The following TRNT1 variants were observed in gnomAD, a reference collection of about 807,000 sequenced individuals.
TRNT1 encodes CCA tRNA nucleotidyltransferase 1, mitochondrial.
In TRNT1, 44 loss-of-function variants were observed where a neutral mutation model predicts 45.6. The observed-to-expected ratio is 0.97, with a 90% CI of 0.76 to 1.24. TRNT1 has a LOEUF of 1.24. TRNT1 is among the 50% of genes most tolerant of loss of function. The pLI is 0.00. For synonymous variants in TRNT1, 201 were observed against 171.4 expected (o/e 1.17, Z -1.35); for missense variants, 633 against 504.4 (o/e 1.25, Z -2.44).
In TRNT1 at chr3:3,148,925, G is replaced by GTTAT. The variant is rs1032088022; in HGVS notation, c.*774_*777dup. 4 of 151,894 alleles carry GTTAT rather than the reference G, an allele frequency of 2.6e-5. No homozygotes were observed. The highest frequency in any genetic ancestry group is 1.9e-4 in the East Asian group (1 of 5,196). 9.4% of individuals were successfully genotyped at this position (151,894 alleles called of 1,614,324 possible). Reference sequence around the variant, plus strand: ...ATGGTAATATGCCTGTCTTTAAAGTGTTATTTTATTAATTAAAAGGATATG... The same window carrying GTTAT: ...ATGGTAATATGCCTGTCTTTAAAGTGTTATTTATTTTATTAATTAAAAGGATATG... On this transcript the variant is annotated 3_prime_UTR_variant, in exon 8 of 8. Coordinates refer to ENST00000251607, the MANE Select transcript of TRNT1 (RefSeq NM_182916.3).
intron 1 of TRNT1, chr3:3,127,501 C>G (rs1363553222): frequency 6.6e-6 from 1 of 152,294 alleles, no homozygotes; most frequent in Non-Finnish European, 1.5e-5. Context: ...GGGCAGGACC[C>G]CCGTATGGGG....
At chr3:3,136,110 AC>A (rs1195260478) in intron 2 of TRNT1, among the ~76,000 whole-genome samples, 1 of 152,320 alleles carries the variant, frequency 6.6e-6, no homozygotes, top group East Asian at 1.9e-4. Context: ...AGTCACTGTT[AC>A]CAACTATTGT....
chr3:3,147,760 A>AATT lies in TRNT1; in HGVS notation c.1056+58_1056+60dup, dbSNP rs796932926. The AATT allele has an allele frequency of 6.6e-5, 101 of 1,537,908 alleles. 1 individual carries two copies. The African/African-American group carries it at 1.2e-3, about 18-fold the overall frequency. ...GAAGTATCGTCACGAATTTAGAATT[A>AATT]ATTTATTAAAACTAAGATCTACAAA... On this transcript the variant is annotated intron_variant, in intron 7 of 7. Transcript: ENST00000251607.
chr3:3,142,457 C>G (rs890778174), intron 4 of TRNT1, among the ~76,000 whole-genome samples: 4 of 152,178 alleles, frequency 2.6e-5, no homozygotes, highest in African/African-American at 9.7e-5. Flanking sequence ...CAGCCTGACT[C>G]CAGAGGTCAC....
chr3:3,147,401 GT>G (rs769238391), intron 6 of TRNT1, 48 bp from the exon 7 acceptor site: 3 of 1,598,506 alleles, frequency 1.9e-6, no homozygotes, highest in African/African-American at 2.7e-5. Flanking sequence ...GATATGAGTG[GT>G]TTTTTATCCC....
chr3:3,152,536 C>T (rs1706646440), downstream of TRNT1: 1 of 1,613,264 alleles, frequency 6.2e-7, no homozygotes, highest in Non-Finnish European at 8.5e-7. Flanking sequence ...GTGTCTCATG[C>T]ACATATCCAT....
chr3:3,148,171 A>C lies in TRNT1; in HGVS notation c.*17A>C. Reference sequence around the variant, plus strand: ...AAGACCTAAAACTGATGGCTACTAAAAAGCAGAGCATTTCTGGTAAGACTA... The same window carrying C: ...AAGACCTAAAACTGATGGCTACTAACAAGCAGAGCATTTCTGGTAAGACTA... On this transcript the variant is annotated 3_prime_UTR_variant, in exon 8 of 8. Coordinates refer to ENST00000251607, the MANE Select transcript of TRNT1 (RefSeq NM_182916.3). 1 of 1,609,014 alleles carries C rather than the reference A, an allele frequency of 6.2e-7. No individual in the cohort carries two copies. The highest frequency in any genetic ancestry group is 2.2e-5 in the East Asian group (1 of 44,820).
intron 2 of TRNT1, chr3:3,131,203 G>A (rs1692806719): frequency 6.6e-6 from 1 of 152,170 alleles, no homozygotes. Flanking sequence ...GTAAGTACAA[G>A]TGGCTGCTGT....
At chr3:3,133,681 G>T (rs1014255554) in intron 2 of TRNT1, among the ~76,000 whole-genome samples, 5 of 152,140 alleles carry the variant, frequency 3.3e-5, no homozygotes, top group Non-Finnish European at 7.4e-5. Context: ...TCCTTTGGCT[G>T]TTGTCCACAG....
chr3:3,137,365 C>T lies in TRNT1; in HGVS notation c.254C>T (p.Thr85Ile), dbSNP rs770014818. The T allele has an allele frequency of 1.2e-6, 2 of 1,613,926 alleles. No homozygotes were observed. Among genetic ancestry groups the T allele is most frequent in the East Asian group, 2.2e-5 (1 of 44,860 alleles). Residue 85 changes from threonine (T) to isoleucine (I), a missense_variant, in exon 3 of 8, where the codon ACC becomes ATC. Physicochemically the swap from Thr to Ile is moderately conservative, Grantham distance 89. Transcript: ENST00000251607. The stretch of plus-strand genomic sequence containing the variant: ...GATATAGATTTTGCCACCACTGCTA[C>T]CCCTACTCAAATGAAGGAGATGTTT... ...PQDIDFATTA[T>I]PTQMKEMFQS... is the part of the protein sequence containing the mutation.
downstream of TRNT1, among the ~76,000 whole-genome samples, chr3:3,151,528 G>A (rs75880442): frequency 5.4e-4 from 82 of 152,324 alleles, 1 homozygote; most frequent in East Asian, 0.015. Context: ...ACGATTGTCA[G>A]ATAATGCAAC....
chr3:3,149,709 A>C (rs1028821895), downstream of TRNT1: 4 of 152,142 alleles, frequency 2.6e-5, no homozygotes. Flanking sequence ...CCTGATTGGA[A>C]GTATTCTTGA....
At chr3:3,133,197 A>G (rs1261183878) in intron 2 of TRNT1, among the ~76,000 whole-genome samples, 2 of 152,066 alleles carry the variant, frequency 1.3e-5, no homozygotes, top group East Asian at 3.9e-4. Context: ...GGGTTTTATA[A>G]TTTGTCAGGT....
At chr3:3,137,001 T>C (rs1217591877) in intron 2 of TRNT1, among the ~76,000 whole-genome samples, 1 of 152,210 alleles carries the variant, frequency 6.6e-6, no homozygotes, top group Non-Finnish European at 1.5e-5. Context: ...CTTTGAGGCA[T>C]TGTGGAATTC....
At chr3:3,130,192 C>G (rs915940619) in intron 2 of TRNT1, 1 of 535,222 alleles carries the variant, frequency 1.9e-6, no homozygotes, top group African/African-American at 1.9e-5. Flanking sequence ...ATGACCTATA[C>G]AGCACTGGCT....
In TRNT1 at chr3:3,147,516, C is replaced by T. The variant is rs1237727759; in HGVS notation, c.869C>T (p.Pro290Leu). Residue 290 changes from proline (P) to leucine (L), a missense_variant, in exon 7 of 8, where the codon CCA becomes CTA. Transcript: ENST00000251607. The part of the protein sequence containing the change: ...KVSKNVDGFS[P>L]KPVTLLASLF... ...AGTAAAAATGTTGATGGTTTTTCAC[C>T]AAAGCCAGTGACTCTTTTGGCCTCA... is the stretch of plus-strand genomic sequence containing the variant. 6.2e-7 allele frequency: 1 copy of T among 1,613,806 alleles called. No homozygotes were observed. The highest frequency in any genetic ancestry group is 8.5e-7 in the Non-Finnish European group (1 of 1,179,804).
intron 4 of TRNT1, among the ~76,000 whole-genome samples, chr3:3,143,222 T>C (rs567100217): frequency 6.6e-6 from 1 of 152,302 alleles, no homozygotes; most frequent in African/African-American, 2.4e-5. Flanking sequence ...CCAACTGTCT[T>C]AGTTTGCCTG....
rs1706127981 is a variant in TRNT1 at position 3,147,565 on chromosome 3, C to T, written c.918C>T (p.Val306=). ...CATTATTCAAAGTACAAGATGATGT[C>T]ACAAAATTGGATTTGAGGTTGAAGA... is the stretch of plus-strand genomic sequence containing the variant. ...LASLFKVQDD[V]TKLDLRLKIA... is the part of the protein sequence containing the mutation. Residue 306 remains valine (V), a synonymous_variant, in exon 7 of 8, where the codon GTC becomes GTT. Transcript: ENST00000251607. The T allele has an allele frequency of 6.2e-7, 1 of 1,613,874 alleles. No individual in the cohort carries two copies. Among genetic ancestry groups the T allele is most frequent in the Non-Finnish European group, 8.5e-7 (1 of 1,179,874 alleles).
rs761220093 is a variant in TRNT1 at position 3,137,417 on chromosome 3, C to G, written c.306C>G (p.Asn102Lys). The stretch of plus-strand genomic sequence containing the variant: ...AGTCGGCTGGGATTCGGATGATAAA[C>G]AACAGAGGAGAAAAGCACGGAACAA... Reference protein sequence around the residue: ...MFQSAGIRMINNRGEKHGTIT... With the variant: ...MFQSAGIRMIKNRGEKHGTIT... The change falls in exon 3 of 8, where the codon AAC becomes AAG. Residue 102 changes from asparagine to lysine, a missense_variant. Coordinates refer to ENST00000251607, the MANE Select transcript of TRNT1 (RefSeq NM_182916.3). 6.2e-7 allele frequency: 1 copy of G among 1,613,072 alleles called. No individual in the cohort carries two copies. The highest frequency in any genetic ancestry group is 1.1e-5 in the South Asian group (1 of 90,856).
Sources: allele counts gnomAD v4.1 joint callset (sites outside exome capture counted in the v4.1 genomes callset), GRCh38; gene constraint gnomAD v4.1.1; transcripts MANE v1.5; gene names NCBI Gene and HGNC (gene_info 2026-07-23, HGNC 2026-07-21).